Variants in BCL9 observed in about 807,000 individuals in gnomAD.
BCL9 encodes B-cell CLL/lymphoma 9 protein.
Under a neutral mutation model 88.5 loss-of-function variants are expected in BCL9, and 25 were observed. That is an observed-to-expected ratio of 0.28 (90% CI 0.21 to 0.39). BCL9 has a LOEUF of 0.39. Among genes scored for constraint, BCL9 ranks in the 10% least tolerant of loss-of-function variants. The probability of loss-of-function intolerance (pLI) is 1.00; values close to 1 mark genes in which losing one functional copy is unlikely to be tolerated. For synonymous variants in BCL9, 711 were observed against 673.3 expected, an observed-to-expected ratio of 1.06 and a Z score of -0.87; for missense variants, 1,817 against 1,877.8, an observed-to-expected ratio of 0.97 and a Z score of 0.60.
intron 1 of BCL9, among the ~76,000 whole-genome samples, chr1:147,543,457 G>A (rs1654421754): frequency 6.6e-6 from 1 of 152,244 alleles, no homozygotes; most frequent in African/African-American, 2.4e-5. Flanking sequence ...CCTGACTTCT[G>A]AGTATGGGAA....
At chr1:147,545,301 GCAAGT>G (rs1438649713) in intron 1 of BCL9, among the ~76,000 whole-genome samples, 1 of 152,156 alleles carries the variant, frequency 6.6e-6, no homozygotes, top group African/African-American at 2.4e-5. Flanking sequence ...CACTTCATTT[GCAAGT>G]CTTTGATCAC....
chr1:147,601,617 A>G (rs1657395199), intron 1 of BCL9, among the ~76,000 whole-genome samples: 1 of 152,224 alleles, frequency 6.6e-6, no homozygotes. Flanking sequence ...GAAATTGTGC[A>G]ACATGATTGT....
intron 1 of BCL9, among the ~76,000 whole-genome samples, chr1:147,546,150 A>C (rs1553194240): frequency 1.3e-5 from 2 of 151,902 alleles, no homozygotes; most frequent in African/African-American, 4.8e-5. Flanking sequence ...TCCTGGCTAA[A>C]ACGGTGAAAC....
At chr1:147,555,812 T>C (rs1324438378) in intron 1 of BCL9, among the ~76,000 whole-genome samples, 1 of 152,252 alleles carries the variant, frequency 6.6e-6, no homozygotes, top group Non-Finnish European at 1.5e-5. Context: ...CATGCCTAAG[T>C]TGATAGCACA....
chr1:147,625,293 A>C lies in BCL9; in HGVS notation c.*334A>C. The stretch of plus-strand genomic sequence containing the variant: ...GTGTTGCACCGTTCTCTGTATGTTT[A>C]CGTCCTTTGGACTGGCTTCTCCCAG... On this transcript the variant is annotated 3_prime_UTR_variant, in exon 10 of 10. Transcript: ENST00000234739. The C allele has an allele frequency of 3.4e-6, 1 of 295,012 alleles. No homozygotes were observed. The allele number at this position is 295,012 out of a possible 1,614,324, so 18.3% of individuals were successfully genotyped here.
intron 1 of BCL9, among the ~76,000 whole-genome samples, chr1:147,589,027 A>G (rs1272489305): frequency 6.6e-6 from 1 of 152,182 alleles, no homozygotes; most frequent in Non-Finnish European, 1.5e-5. Context: ...GGAGGATATC[A>G]GTGAATTTTA....
In BCL9 at chr1:147,619,758, T is replaced by A; in HGVS notation, c.1603T>A (p.Ser535Thr). Reference protein sequence around the residue: ...GWAPGGTEPFSDGINMPHSLP... With the variant: ...GWAPGGTEPFTDGINMPHSLP... ...GGCACCTGGGGGTACAGAGCCATTTTCTGATGGTATCAACATGCCACATTC... is the reference window on the plus strand; with the variant it reads ...GGCACCTGGGGGTACAGAGCCATTTACTGATGGTATCAACATGCCACATTC... Residue 535 changes from serine to threonine, a missense_variant, in exon 8 of 10, where the codon TCT (serine) becomes ACT (threonine). Coordinates refer to ENST00000234739, the MANE Select transcript of BCL9 (RefSeq NM_004326.4). This position sits in a 1 kb window ranked among gnomAD's most constrained non-coding sequence, Gnocchi z 4.1. 3.1e-6 allele frequency: 5 copies of A among 1,614,104 alleles called. No homozygotes were observed. Among genetic ancestry groups the A allele is most frequent in the Non-Finnish European group, 4.2e-6 (5 of 1,180,020 alleles).
intron 1 of BCL9, among the ~76,000 whole-genome samples, chr1:147,603,350 A>G (rs1226634324): frequency 6.6e-6 from 1 of 152,238 alleles, no homozygotes; most frequent in Non-Finnish European, 1.5e-5. Flanking sequence ...GAGTACTAAC[A>G]TGGGCTACGC....
chr1:147,602,007 TCTC>T (rs1553201353), intron 1 of BCL9, among the ~76,000 whole-genome samples: 1 of 150,210 alleles, frequency 6.7e-6, no homozygotes, highest in East Asian at 2.0e-4. Context: ...TTCAAGCTAT[TCTC>T]CTGCCTCAGC....
intron 1 of BCL9, among the ~76,000 whole-genome samples, chr1:147,562,264 G>A (rs1015737746): frequency 2.0e-5 from 3 of 152,148 alleles, no homozygotes; most frequent in Non-Finnish European, 4.4e-5. Flanking sequence ...AGGAGGCAGA[G>A]ATTGCGGTGA....
At chr1:147,615,028 A>G (rs961520873) in intron 6 of BCL9, among the ~76,000 whole-genome samples, 1 of 151,858 alleles carries the variant, frequency 6.6e-6, no homozygotes, top group East Asian at 1.9e-4. Context: ...TTTAGTAGAG[A>G]TGGGGTTTCA....
chr1:147,591,221 C>CT (rs1199239645), intron 1 of BCL9, among the ~76,000 whole-genome samples: 1 of 152,036 alleles, frequency 6.6e-6, no homozygotes, highest in African/African-American at 2.4e-5. Context: ...TAAACTGTAG[C>CT]TTTTTAAAAA....
rs782798247 is a variant in BCL9 at position 147,613,044 on chromosome 1, C to T, written c.215C>T (p.Thr72Ile). 6.2e-7 allele frequency: 1 copy of T among 1,611,228 alleles called. No individual in the cohort carries two copies. The highest frequency in any genetic ancestry group is 8.5e-7 in the Non-Finnish European group (1 of 1,178,308). ...TGTGACTCCAAGAGTGGGGGCCATACCCCTAAAGCACTCCCTGGCCCAGGT... is the reference window on the plus strand; with the variant it reads ...TGTGACTCCAAGAGTGGGGGCCATATCCCTAAAGCACTCCCTGGCCCAGGT... ...SPCDSKSGGHTPKALPGPGGS... is the reference protein window; with the variant it reads ...SPCDSKSGGHIPKALPGPGGS... Residue 72 changes from threonine to isoleucine, a missense_variant, in exon 5 of 10, where the codon ACC becomes ATC. Physicochemically the swap from Thr to Ile is moderately conservative, Grantham distance 89. Coordinates refer to ENST00000234739, the MANE Select transcript of BCL9 (RefSeq NM_004326.4).
At position 147,624,214 on chromosome 1, in the gene BCL9, G is replaced by A. The variant is rs983202723; in HGVS notation, c.3536G>A (p.Arg1179His). The change falls in exon 10 of 10, where the codon CGC (arginine) becomes CAC (histidine). Residue 1179 changes from arginine (R) to histidine (H), a missense_variant. By Grantham distance (29) the Arg-to-His change is conservative. Around this residue, in one of 2 missense-constraint regions of BCL9, gnomAD observed 589 missense variants for 686.2 expected, o/e 0.86. Transcript: ENST00000234739. The surrounding 1 kb of genome is among the most constrained non-coding windows in gnomAD (Gnocchi z 4.4). Reference protein sequence around the residue: ...MGFPGEGPLGRPSNLPQSSAD... With the variant: ...MGFPGEGPLGHPSNLPQSSAD... Reference sequence around the variant, plus strand: ...TTCCCAGGAGAAGGCCCCCTTGGCCGCCCCAGCAACCTGCCCCAAAGTTCA... The same window carrying A: ...TTCCCAGGAGAAGGCCCCCTTGGCCACCCCAGCAACCTGCCCCAAAGTTCA... 1.9e-6 allele frequency: 3 copies of A among 1,611,028 alleles called. No individual in the cohort carries two copies. The highest frequency in any genetic ancestry group is 2.5e-6 in the Non-Finnish European group (3 of 1,177,542).
Position 147,621,035 on chromosome 1 carries a change from C to T in BCL9, c.2880C>T (p.Ala960=), listed in dbSNP as rs782818524. The change falls in exon 8 of 10, where the codon GCC becomes GCT. Residue 960 remains alanine (A), a synonymous_variant. Coordinates refer to ENST00000234739, the MANE Select transcript of BCL9 (RefSeq NM_004326.4). ...HKAPLTMASP[A]MLGNVESGGP... Reference sequence around the variant, plus strand: ...CACCCCTCACCATGGCCTCCCCAGCCATGCTGGGAAATGTAGAGTCAGGTC... The same window carrying T: ...CACCCCTCACCATGGCCTCCCCAGCTATGCTGGGAAATGTAGAGTCAGGTC... 1 of 1,613,624 alleles carries T rather than the reference C, an allele frequency of 6.2e-7. No homozygotes were observed. Among genetic ancestry groups the T allele is most frequent in the Non-Finnish European group, 8.5e-7 (1 of 1,179,842 alleles).
chr1:147,620,880 C>A lies in BCL9; in HGVS notation c.2725C>A (p.Pro909Thr), dbSNP rs139391680. The A allele has an allele frequency of 2.5e-6, 4 of 1,614,150 alleles. No homozygotes were observed. The South Asian group carries it at 3.3e-5, about 13-fold the overall frequency. The change falls in exon 8 of 10, where the codon CCT becomes ACT. Residue 909 changes from proline to threonine, a missense_variant. This residue lies in a region of BCL9 where 1,228 missense variants were observed against 1,191.6 expected (regional missense o/e 1.03). Coordinates refer to ENST00000234739, the MANE Select transcript of BCL9 (RefSeq NM_004326.4). Reference protein sequence around the residue: ...PAAAASIKSPPVLGSAAASPV... With the variant: ...PAAAASIKSPTVLGSAAASPV... The stretch of plus-strand genomic sequence containing the variant: ...TGCTGCTGCTTCCATTAAGTCCCCC[C>A]CTGTTTTGGGGTCTGCTGCTGCTTC...
rs61751617 is a variant in BCL9, at chr1:147,619,883, G to A, written c.1728G>A (p.Pro576=). Residue 576 remains proline, a synonymous_variant, in exon 8 of 10, where the codon CCG becomes CCA. Coordinates refer to ENST00000234739, the MANE Select transcript of BCL9 (RefSeq NM_004326.4). The surrounding 1 kb of genome is among the most constrained non-coding windows in gnomAD (Gnocchi z 4.1). The part of the protein sequence containing the change: ...AGMINSEMEG[P]NVPNPASRPG... ...TGATAAACTCTGAAATGGAAGGGCC[G>A]AATGTCCCCAACCCTGCATCTAGAC... 0.037 allele frequency: 60,130 copies of A among 1,614,166 alleles called. 1,311 individuals are homozygous for A. The highest frequency in any genetic ancestry group is 0.044 in the Non-Finnish European group (52,362 of 1,180,028).
intron 1 of BCL9, among the ~76,000 whole-genome samples, chr1:147,583,667 T>C (rs1458069150): frequency 2.6e-5 from 4 of 152,004 alleles, no homozygotes; most frequent in Non-Finnish European, 4.4e-5. Flanking sequence ...TTTTAAAAAT[T>C]TTTGGCCAGG....
intron 1 of BCL9, among the ~76,000 whole-genome samples, chr1:147,552,365 T>C (rs1419330836): frequency 6.6e-6 from 1 of 152,170 alleles, no homozygotes; most frequent in Non-Finnish European, 1.5e-5. Context: ...CTTAGCACTT[T>C]GGGAGGCCAA....
Sources: allele counts gnomAD v4.1 joint callset (sites outside exome capture counted in the v4.1 genomes callset), GRCh38; gene constraint gnomAD v4.1.1; regional missense constraint gnomAD v4.1.1; non-coding constraint Gnocchi (gnomAD v3.1); transcripts MANE v1.5; gene names NCBI Gene and HGNC (gene_info 2026-07-23, HGNC 2026-07-21).